Variants in KIAA0825 observed in about 807,000 individuals in gnomAD.
KIAA0825 encodes the protein uncharacterized protein KIAA0825.
Under a neutral mutation model 147.6 loss-of-function variants are expected in KIAA0825, and 119 were observed. The observed-to-expected ratio is 0.81, with a 90% CI of 0.69 to 0.94. KIAA0825 has a LOEUF of 0.94. KIAA0825 is among the 40% of genes least tolerant of loss of function. KIAA0825 has a pLI of 0.00. For missense variants in KIAA0825, 1,381 were observed against 1,472.7 expected, an observed-to-expected ratio of 0.94 and a Z score of 1.02; for synonymous variants, 470 against 518.1, an observed-to-expected ratio of 0.91 and a Z score of 1.26.
rs140092083 is a variant in KIAA0825 at position 94,239,874 on chromosome 5, G to A, written c.3711-85750C>T. Among the ~76,000 whole-genome samples, 364 of 152,218 alleles carry A rather than the reference G, an allele frequency of 2.4e-3. 1 individual carries two copies. Among genetic ancestry groups the A allele is most frequent in the Non-Finnish European group, 4.3e-3 (292 of 68,010 alleles). ...TTGACTTAAATTTCAGAAGTAGCCT[G>A]CAAATAGTTGTACAGTCTTTAACTA... is the stretch of plus-strand genomic sequence containing the variant. On this transcript the variant is annotated intron_variant, in intron 20 of 20. Transcript: ENST00000682413.
chr5:94,589,456 G>C (rs1204258339), intron 1 of KIAA0825, among the ~76,000 whole-genome samples: 2 of 152,188 alleles, frequency 1.3e-5, no homozygotes, highest in African/African-American at 4.8e-5. Flanking sequence ...AAAACAAAGA[G>C]AGTTAGGAAT....
At chr5:94,391,408 T>C (rs1562449756) in intron 18 of KIAA0825, 127 bp downstream of exon 18, 2 of 827,046 alleles carry the variant, frequency 2.4e-6, no homozygotes, top group South Asian at 3.4e-5. Flanking sequence ...CTATTAATAA[T>C]GCAATATTGA....
intron 20 of KIAA0825, among the ~76,000 whole-genome samples, chr5:94,229,815 G>C (rs192111800): frequency 3.7e-4 from 57 of 152,092 alleles, no homozygotes; most frequent in Non-Finnish European, 7.8e-4. Flanking sequence ...ATTTATTGTA[G>C]ATTTTCTTCA....
At chr5:94,283,436 C>T (rs1033036174) in intron 20 of KIAA0825, among the ~76,000 whole-genome samples, 5 of 151,978 alleles carry the variant, frequency 3.3e-5, no homozygotes, top group African/African-American at 1.2e-4. Flanking sequence ...TAACTTACCA[C>T]AGGAATAGAG....
intron 20 of KIAA0825, among the ~76,000 whole-genome samples, chr5:94,206,343 A>G (rs1772198214): frequency 6.6e-6 from 1 of 151,940 alleles, no homozygotes; most frequent in Non-Finnish European, 1.5e-5. Context: ...GTTGTCTGTA[A>G]TTCCTTAGAG....
At chr5:94,254,801 C>T (rs1010023536) in intron 20 of KIAA0825, among the ~76,000 whole-genome samples, 9 of 152,080 alleles carry the variant, frequency 5.9e-5, no homozygotes, top group African/African-American at 1.7e-4. Flanking sequence ...CATTCCATTG[C>T]GGTACCCATG....
At chr5:94,226,133 C>A (rs990299510) in intron 20 of KIAA0825, among the ~76,000 whole-genome samples, 2 of 152,296 alleles carry the variant, frequency 1.3e-5, no homozygotes, top group South Asian at 2.1e-4. Flanking sequence ...GGGCTAATAT[C>A]CAGAATCTAC....
chr5:94,575,786 C>A (rs1780910551), intron 2 of KIAA0825, among the ~76,000 whole-genome samples: 1 of 152,186 alleles, frequency 6.6e-6, no homozygotes, highest in Admixed American at 6.5e-5. Context: ...ACATGCCGGC[C>A]TTTGGCTGAG....
intron 4 of KIAA0825, among the ~76,000 whole-genome samples, chr5:94,522,728 C>T (rs902348428): frequency 5.3e-5 from 8 of 151,548 alleles, no homozygotes; most frequent in African/African-American, 1.9e-4. Flanking sequence ...CTTAAAATAA[C>T]ATGATCAATT....
chr5:94,288,965 A>G (rs1239012872), intron 20 of KIAA0825, among the ~76,000 whole-genome samples: 1 of 152,134 alleles, frequency 6.6e-6, no homozygotes, highest in Non-Finnish European at 1.5e-5. Context: ...CCCCCAACGT[A>G]TGGGTGTTAT....
intron 6 of KIAA0825, among the ~76,000 whole-genome samples, chr5:94,482,486 C>T (rs1399701794): frequency 6.6e-5 from 10 of 152,014 alleles, no homozygotes; most frequent in African/African-American, 1.7e-4. Context: ...CTATTTTCCC[C>T]GCTATTCTCT....
chr5:94,270,419 C>T (rs1258905316), intron 20 of KIAA0825, among the ~76,000 whole-genome samples: 2 of 152,114 alleles, frequency 1.3e-5, no homozygotes, highest in African/African-American at 4.8e-5. Context: ...AAGCCTCTGT[C>T]TCTCACCACA....
rs551587582 is a variant in KIAA0825 at position 94,170,030 on chromosome 5, C to A, written c.3711-15906G>T. 3.3e-5 allele frequency among the ~76,000 whole-genome samples: 5 copies of A among 152,232 alleles called. No homozygotes were observed. In the East Asian group the frequency reaches 9.7e-4, roughly 29 times the overall value. The stretch of plus-strand genomic sequence containing the variant: ...CCACGTAAGCTATCTCTCTCTAAGT[C>A]TCTATGTTTCATATAACAATAGTGA... On this transcript the variant is annotated intron_variant, in intron 20 of 20. Coordinates refer to ENST00000682413, the MANE Select transcript of KIAA0825 (RefSeq NM_001145678.3).
At chr5:94,239,926 G>A (rs974517261) in intron 20 of KIAA0825, among the ~76,000 whole-genome samples, 1 of 152,152 alleles carries the variant, frequency 6.6e-6, no homozygotes, top group Non-Finnish European at 1.5e-5. Flanking sequence ...TTTAATAGAT[G>A]TAAAAGCTCA....
At chr5:94,159,421 C>T (rs1267688850) in intron 20 of KIAA0825, among the ~76,000 whole-genome samples, 4 of 152,096 alleles carry the variant, frequency 2.6e-5, no homozygotes, top group East Asian at 3.8e-4. Context: ...CTTCATAGAA[C>T]GTTACTCTTA....
intron 20 of KIAA0825, among the ~76,000 whole-genome samples, chr5:94,206,679 A>G (rs1389074974): frequency 6.6e-6 from 1 of 152,104 alleles, no homozygotes; most frequent in Non-Finnish European, 1.5e-5. Flanking sequence ...ATGCCCACAT[A>G]TTTCTTACAC....
chr5:94,246,860 T>A (rs1270729867), intron 20 of KIAA0825, among the ~76,000 whole-genome samples: 1 of 152,152 alleles, frequency 6.6e-6, no homozygotes, highest in Non-Finnish European at 1.5e-5. Flanking sequence ...TTCCACACAG[T>A]GTCAGCCTGC....
chr5:94,243,016 G>A (rs2150107660), intron 20 of KIAA0825, among the ~76,000 whole-genome samples: 1 of 152,226 alleles, frequency 6.6e-6, no homozygotes, highest in South Asian at 2.1e-4. Context: ...AACTAACTTG[G>A]TAGAAATCCT....
chr5:94,267,157 T>C (rs1776772477), intron 20 of KIAA0825, among the ~76,000 whole-genome samples: 2 of 152,082 alleles, frequency 1.3e-5, no homozygotes, highest in Non-Finnish European at 1.5e-5. Flanking sequence ...CAGGAAGCAA[T>C]GAGGTGTTCC....
Sources: allele counts gnomAD v4.1 joint callset (sites outside exome capture counted in the v4.1 genomes callset), GRCh38; gene constraint gnomAD v4.1.1; transcripts MANE v1.5; gene names NCBI Gene and HGNC (gene_info 2026-07-23, HGNC 2026-07-21).